Variants in ZNG1B observed in about 807,000 individuals in gnomAD.
The protein encoded by ZNG1B is Zn regulated GTPase metalloprotein activator 1B, also known as zinc-regulated GTPase metalloprotein activator 1B.
the ZNG1B span, among the ~76,000 whole-genome samples, chr2:113,490,070 A>G: frequency 6.7e-6 from 1 of 149,668 alleles, no homozygotes; most frequent in Non-Finnish European, 1.5e-5. Flanking sequence ...CGTTCTGTTC[A>G]ACAGCACATG....
the ZNG1B span, chr2:113,471,203 G>A: frequency 5.1e-5 from 72 of 1,417,120 alleles, no homozygotes; most frequent in African/African-American, 6.5e-4. Flanking sequence ...CATTCCTTTG[G>A]CATACAAGAC....
the ZNG1B span, among the ~76,000 whole-genome samples, chr2:113,453,725 C>T: frequency 6.9e-6 from 1 of 144,548 alleles, no homozygotes; most frequent in Non-Finnish European, 1.5e-5. Flanking sequence ...ACTCAACTTC[C>T]AATTTAGTGC....
At chr2:113,479,055 G>A in the ZNG1B span, among the ~76,000 whole-genome samples, 2 of 151,722 alleles carry the variant, frequency 1.3e-5, no homozygotes, top group Non-Finnish European at 2.9e-5. Context: ...CGGAGTACCT[G>A]GAAAAAATCA....
the ZNG1B span, chr2:113,460,798 C>A: frequency 6.4e-7 from 1 of 1,560,862 alleles, no homozygotes; most frequent in Non-Finnish European, 8.6e-7. Context: ...CAAAAACAAA[C>A]TAAGAAATTT....
chr2:113,474,743 T>C, the ZNG1B span, among the ~76,000 whole-genome samples: 1 of 152,134 alleles, frequency 6.6e-6, no homozygotes, highest in African/African-American at 2.4e-5. Flanking sequence ...CATTTTGTTA[T>C]GTACCCAGTA....
the ZNG1B span, among the ~76,000 whole-genome samples, chr2:113,475,850 A>T: frequency 6.6e-6 from 1 of 152,170 alleles, no homozygotes; most frequent in African/African-American, 2.4e-5. Flanking sequence ...AGTTTCTGCC[A>T]AGAGATCCGC....
At chr2:113,474,262 A>T in the ZNG1B span, among the ~76,000 whole-genome samples, 2 of 151,638 alleles carry the variant, frequency 1.3e-5, no homozygotes, top group Admixed American at 1.3e-4. Context: ...TAGATTTTCT[A>T]GTTTATTTGC....
At chr2:113,469,237 G>A in the ZNG1B span, 2 of 152,042 alleles carry the variant, frequency 1.3e-5, no homozygotes, top group East Asian at 3.9e-4. Flanking sequence ...TCTGCCTCCT[G>A]GGTTCAAGCG....
the ZNG1B span, among the ~76,000 whole-genome samples, chr2:113,440,714 A>G: frequency 6.7e-6 from 1 of 149,030 alleles, no homozygotes; most frequent in African/African-American, 2.5e-5. Context: ...GAAACAAACC[A>G]AATGTCCAAC....
At chr2:113,439,232 C>G in the ZNG1B span, 3 of 1,471,002 alleles carry the variant, frequency 2.0e-6, no homozygotes, top group South Asian at 1.2e-5. Context: ...ACCATTTTCC[C>G]TTTCTGAAAC....
the ZNG1B span, among the ~76,000 whole-genome samples, chr2:113,471,409 C>T: frequency 1.3e-5 from 2 of 151,814 alleles, no homozygotes; most frequent in Non-Finnish European, 2.9e-5. Flanking sequence ...TTTAGCTTAG[C>T]GTTTTCACAC....
At chr2:113,457,469 T>A in the ZNG1B span, among the ~76,000 whole-genome samples, 2 of 140,956 alleles carry the variant, frequency 1.4e-5, no homozygotes, top group Non-Finnish European at 3.1e-5. Flanking sequence ...TGTTCTTTCA[T>A]AGCCAGTGGG....
chr2:113,460,832 A>C, the ZNG1B span: 2 of 1,525,310 alleles, frequency 1.3e-6, no homozygotes, highest in Non-Finnish European at 8.8e-7. Context: ...ACGAAAATTT[A>C]TTTTCTTTTT....
At chr2:113,452,117 G>A in the ZNG1B span, among the ~76,000 whole-genome samples, 1 of 152,180 alleles carries the variant, frequency 6.6e-6, no homozygotes, top group Non-Finnish European at 1.5e-5. Flanking sequence ...TGAAAAGAAC[G>A]GACATTGATT....
At chr2:113,474,836 G>T in the ZNG1B span, among the ~76,000 whole-genome samples, 2 of 152,006 alleles carry the variant, frequency 1.3e-5, no homozygotes, top group Admixed American at 1.3e-4. Flanking sequence ...TAGTTTGATT[G>T]TACTGTGGTC....
the ZNG1B span, among the ~76,000 whole-genome samples, chr2:113,443,203 C>T: frequency 6.6e-6 from 1 of 152,048 alleles, no homozygotes; most frequent in Non-Finnish European, 1.5e-5. Context: ...CTCCTGACCT[C>T]GTGATCCGCC....
the ZNG1B span, among the ~76,000 whole-genome samples, chr2:113,468,266 AC>A: frequency 2.0e-5 from 3 of 151,074 alleles, no homozygotes; most frequent in South Asian, 6.3e-4. Context: ...CATTGTAGAT[AC>A]TGGATACTTG....
the ZNG1B span, among the ~76,000 whole-genome samples, chr2:113,451,051 AGCCCTAGAATGTG>A: frequency 2.6e-5 from 4 of 152,158 alleles, no homozygotes; most frequent in Non-Finnish European, 5.9e-5. Context: ...CTTTGTTCTG[AGCCCTAGAATGTG>A]ACCTGACCTT....
the ZNG1B span, among the ~76,000 whole-genome samples, chr2:113,486,828 A>G: frequency 6.6e-6 from 1 of 152,240 alleles, no homozygotes; most frequent in African/African-American, 2.4e-5. Flanking sequence ...TTCTCAATAT[A>G]GTTTTCCAAC....
Sources: allele counts gnomAD v4.1 joint callset (sites outside exome capture counted in the v4.1 genomes callset), GRCh38; gene constraint gnomAD v4.1.1; transcripts MANE v1.5; gene names NCBI Gene and HGNC (gene_info 2026-07-23, HGNC 2026-07-21).